PTPRD: variants seen among roughly 807,000 people sequenced by gnomAD.
PTPRD encodes protein tyrosine phosphatase receptor type D.
A neutral mutation model predicts 214.5 loss-of-function variants in PTPRD; 34 were observed. That is an observed-to-expected ratio of 0.16 (90% confidence interval 0.12 to 0.21). The LOEUF is 0.21. Among genes scored for constraint, PTPRD ranks in the 10% least tolerant of loss-of-function variants. The probability of loss-of-function intolerance (pLI) is 1.00; values close to 1 mark genes in which losing one functional copy is unlikely to be tolerated. For synonymous variants in PTPRD, 1,128 were observed against 845.7 expected (o/e 1.33, Z -5.79); for missense variants, 2,545 against 2,398.7 (o/e 1.06, Z -1.27).
chr9:8,425,660 TG>T (rs1299765090), intron 35 of PTPRD, among the ~76,000 whole-genome samples: 2 of 145,562 alleles, frequency 1.4e-5, no homozygotes, highest in Non-Finnish European at 3.1e-5. Flanking sequence ...TTTTTTGTTT[TG>T]TTTTTTTGTT....
At chr9:9,500,725 G>A (rs145926585) in intron 8 of PTPRD, among the ~76,000 whole-genome samples, 36 of 152,164 alleles carry the variant, frequency 2.4e-4, no homozygotes, top group African/African-American at 7.9e-4. Context: ...AAATATGCAG[G>A]TAGATATAGA....
chr9:8,347,504 C>T (rs968554575), intron 39 of PTPRD, among the ~76,000 whole-genome samples: 2 of 152,156 alleles, frequency 1.3e-5, no homozygotes, highest in Non-Finnish European at 2.9e-5. Flanking sequence ...CATCTAATTA[C>T]AAATCTCAAG....
At chr9:10,009,718 T>G (rs2096558308) in intron 4 of PTPRD, among the ~76,000 whole-genome samples, 1 of 151,896 alleles carries the variant, frequency 6.6e-6, no homozygotes, top group Admixed American at 6.6e-5. Context: ...AATGAAAGTT[T>G]CTCCCGCAAA....
Position 8,503,912 on chromosome 9 carries a change from C to A in PTPRD, c.1822+349G>T, listed in dbSNP as rs114835346. Among the ~76,000 whole-genome samples the A allele has an allele frequency of 5.2e-3, 794 of 152,236 alleles. 9 individuals carry two copies. Among genetic ancestry groups the A allele is most frequent in the African/African-American group, 0.018 (745 of 41,558 alleles). On this transcript the variant is annotated intron_variant, in intron 23 of 45. Transcript: ENST00000381196. ...AGCCTCTTTCATTTGCGAAGCCCTC[C>A]TATGATTATTTTACAGGGTTCTCAA...
intron 5 of PTPRD, among the ~76,000 whole-genome samples, chr9:9,895,205 G>A (rs2074609005): frequency 6.6e-6 from 1 of 151,936 alleles, no homozygotes; most frequent in Non-Finnish European, 1.5e-5. Context: ...TAAAGTTCAA[G>A]AAGAAATATA....
intron 20 of PTPRD, among the ~76,000 whole-genome samples, chr9:8,520,413 G>A (rs1420517203): frequency 1.3e-5 from 2 of 152,046 alleles, no homozygotes; most frequent in Non-Finnish European, 1.5e-5. Context: ...TCACCCCCTA[G>A]AATGGCAGCT....
chr9:8,413,274 T>G (rs1363599344), intron 35 of PTPRD, among the ~76,000 whole-genome samples: 2 of 152,182 alleles, frequency 1.3e-5, no homozygotes, highest in African/African-American at 4.8e-5. Flanking sequence ...CATATTTAGT[T>G]TCAGATGCAG....
chr9:8,810,007 T>C (rs934648136), intron 11 of PTPRD, among the ~76,000 whole-genome samples: 6 of 152,178 alleles, frequency 3.9e-5, no homozygotes, highest in Non-Finnish European at 5.9e-5. Flanking sequence ...TAAGACAATG[T>C]GGGCCAATTC....
intron 9 of PTPRD, among the ~76,000 whole-genome samples, chr9:9,304,372 G>A (rs1956432667): frequency 6.6e-6 from 1 of 152,110 alleles, no homozygotes; most frequent in African/African-American, 2.4e-5. Flanking sequence ...TAAAGGAGGT[G>A]AAGACATTCC....
At chr9:10,369,357 C>T (rs1273194164) in intron 2 of PTPRD, among the ~76,000 whole-genome samples, 2 of 152,068 alleles carry the variant, frequency 1.3e-5, no homozygotes, top group South Asian at 2.1e-4. Context: ...CTTCAATTCT[C>T]ATAGCCAGGC....
Position 8,525,032 on chromosome 9 carries a change from G to C in PTPRD, c.572C>G (p.Ala191Gly), listed in dbSNP as rs2139199286. 1 of 1,611,324 alleles carries C rather than the reference G, an allele frequency of 6.2e-7. No homozygotes were observed. The highest frequency in any genetic ancestry group is 8.5e-7 in the Non-Finnish European group (1 of 1,177,680). ...ESIGGTPIRG[A>G]LQIEQSEESD... ...CTCTTCACTCTGCTCAATCTGAAGG[G>C]CTCCTGTATGGATATAAAATATATT... The change falls in exon 18 of 46, where the codon GCC (alanine) becomes GGC (glycine). Residue 191 changes from alanine (A) to glycine (G), a missense_variant. Transcript: ENST00000381196.
chr9:10,337,206 T>A (rs2096859030), intron 3 of PTPRD, among the ~76,000 whole-genome samples: 1 of 151,778 alleles, frequency 6.6e-6, no homozygotes. Context: ...TAAATCACTT[T>A]TGCAAACACC....
chr9:8,858,982 G>C (rs2098033150), intron 11 of PTPRD, among the ~76,000 whole-genome samples: 1 of 152,160 alleles, frequency 6.6e-6, no homozygotes, highest in African/African-American at 2.4e-5. Context: ...CCTGCTCTGC[G>C]TCCCAGCGCA....
intron 9 of PTPRD, among the ~76,000 whole-genome samples, chr9:9,247,019 G>C (rs915871543): frequency 2.7e-5 from 4 of 147,104 alleles, no homozygotes; most frequent in African/African-American, 1.0e-4. Flanking sequence ...ATAGAAATCA[G>C]AATTCCTCTT....
At chr9:9,559,878 G>T (rs1344681842) in intron 8 of PTPRD, among the ~76,000 whole-genome samples, 1 of 152,186 alleles carries the variant, frequency 6.6e-6, no homozygotes, top group Non-Finnish European at 1.5e-5. Context: ...AGCTGCCAAT[G>T]CCAAGGTGCA....
intron 18 of PTPRD, among the ~76,000 whole-genome samples, chr9:8,523,812 G>C (rs577024355): frequency 8.5e-5 from 13 of 152,220 alleles, no homozygotes; most frequent in African/African-American, 3.1e-4. Context: ...AAAGGATCAA[G>C]GGACTTTCGA....
At chr9:9,144,661 G>T (rs778911373) in intron 10 of PTPRD, among the ~76,000 whole-genome samples, 1 of 152,080 alleles carries the variant, frequency 6.6e-6, no homozygotes, top group Non-Finnish European at 1.5e-5. Context: ...GTTGAAGCAC[G>T]AGAATCACTT....
chr9:8,420,210 A>G (rs1235998704), intron 35 of PTPRD, among the ~76,000 whole-genome samples: 1 of 152,136 alleles, frequency 6.6e-6, no homozygotes, highest in Non-Finnish European at 1.5e-5. Context: ...GGCAAAATTT[A>G]TGCATCATTT....
chr9:10,465,219 C>T (rs1364009306), intron 2 of PTPRD, among the ~76,000 whole-genome samples: 1 of 152,082 alleles, frequency 6.6e-6, no homozygotes, highest in Non-Finnish European at 1.5e-5. Context: ...CATTAGCACA[C>T]ACAACAGACA....
Sources: gnomAD v4.1 joint callset for allele counts (sites outside exome capture counted in the v4.1 genomes callset) on GRCh38, gnomAD v4.1.1 for gene constraint, MANE v1.5 for transcripts, NCBI Gene and HGNC (gene_info 2026-07-23, HGNC 2026-07-21) for gene names.